ATXN7L1: variants seen among roughly 807,000 people sequenced by gnomAD.
ATXN7L1 encodes the protein ataxin-7-like protein 1.
ATXN7L1 carries 15 observed loss-of-function variants against 70.8 expected under a neutral mutation model. That is an observed-to-expected ratio of 0.21 (90% CI 0.14 to 0.33). The LOEUF (loss-of-function observed/expected upper bound fraction) is 0.33, where lower values mean the gene tolerates loss of function less well. Among genes scored for constraint, ATXN7L1 ranks in the 10% least tolerant of loss-of-function variants. The pLI, the probability that ATXN7L1 is intolerant of heterozygous loss-of-function variation, is 1.00. For missense variants in ATXN7L1, 975 were observed against 1,097.1 expected (o/e 0.89, Z 1.57); for synonymous variants, 440 against 445.1 (o/e 0.99, Z 0.14).
chr7:105,780,651 A>G (rs1803395085), intron 3 of ATXN7L1, among the ~76,000 whole-genome samples: 1 of 152,036 alleles, frequency 6.6e-6, no homozygotes, highest in Non-Finnish European at 1.5e-5. Flanking sequence ...GACTAGTGCC[A>G]AGTGTGGCAG....
intron 3 of ATXN7L1, among the ~76,000 whole-genome samples, chr7:105,777,387 C>T (rs770878070): frequency 1.3e-5 from 2 of 152,178 alleles, no homozygotes; most frequent in Non-Finnish European, 2.9e-5. Flanking sequence ...GGCCAACAAC[C>T]CTCAGGTTGC....
intron 2 of ATXN7L1, among the ~76,000 whole-genome samples, chr7:105,835,999 A>T (rs755306669): frequency 5.9e-5 from 9 of 152,204 alleles, no homozygotes; most frequent in Non-Finnish European, 1.0e-4. Flanking sequence ...AAGTCTTCAG[A>T]AACTGTGAGA....
intron 2 of ATXN7L1, chr7:105,875,163 T>C (rs1295487763): frequency 6.5e-6 from 1 of 152,766 alleles, no homozygotes; most frequent in Non-Finnish European, 1.5e-5. Context: ...AGGTTGTGGC[T>C]TCTCTTGCAT....
intron 3 of ATXN7L1, among the ~76,000 whole-genome samples, chr7:105,754,224 C>A (rs553237113): frequency 2.6e-5 from 4 of 152,156 alleles, no homozygotes; most frequent in Non-Finnish European, 5.9e-5. Flanking sequence ...GGGCTTCAGA[C>A]GGGAAAACAC....
intron 4 of ATXN7L1, among the ~76,000 whole-genome samples, chr7:105,658,099 T>C (rs1244414514): frequency 1.3e-5 from 2 of 152,126 alleles, no homozygotes; most frequent in East Asian, 3.8e-4. Context: ...TGTCACTTCA[T>C]GATGGGGCTA....
intron 4 of ATXN7L1, among the ~76,000 whole-genome samples, chr7:105,654,907 A>ATTT (rs201109400): frequency 1.4e-5 from 2 of 140,906 alleles, no homozygotes; most frequent in African/African-American, 2.6e-5. Context: ...CGCCTGGCTA[A>ATTT]TTTTTTTTTT....
chr7:105,798,271 C>T (rs1285262452), intron 2 of ATXN7L1, among the ~76,000 whole-genome samples: 3 of 152,208 alleles, frequency 2.0e-5, no homozygotes, highest in African/African-American at 7.2e-5. Context: ...CTCAACAAGG[C>T]CCCCTTCAGA....
intron 2 of ATXN7L1, among the ~76,000 whole-genome samples, 184 bp downstream of exon 2, chr7:105,875,628 C>CCCG (rs1554490212): frequency 5.4e-4 from 5 of 9,248 alleles, no homozygotes; most frequent in Non-Finnish European, 9.6e-4. Context: ...CCCCCCTTTA[C>CCCG]CCCCCCCCCA....
At chr7:105,854,102 T>C (rs975779654) in intron 2 of ATXN7L1, among the ~76,000 whole-genome samples, 4 of 152,178 alleles carry the variant, frequency 2.6e-5, no homozygotes, top group Non-Finnish European at 5.9e-5. Context: ...GTTTTCCCTA[T>C]AAGGCCGCGG....
At position 105,657,702 on chromosome 7, in the gene ATXN7L1, C is replaced by CAAAAAA. The variant is rs71155465; in HGVS notation, c.578+7358_578+7363dup. 3.0e-3 allele frequency among the ~76,000 whole-genome samples: 77 copies of CAAAAAA among 26,032 alleles called. 1 individual carries two copies. Among genetic ancestry groups the CAAAAAA allele is most frequent in the Non-Finnish European group, 3.4e-3 (52 of 15,484 alleles). The allele number at this position is 26,032 out of a possible 152,430, so 17.1% of individuals were successfully genotyped here. ...TGGGTGACAGAGTGAGACCCTGTCT[C>CAAAAAA]AAAAAAAAAAAAAAAAAAAAAAAAA... On this transcript the variant is annotated intron_variant, in intron 4 of 11. Transcript: ENST00000419735.
intron 6 of ATXN7L1, among the ~76,000 whole-genome samples, 162 bp downstream of exon 6, chr7:105,639,325 G>A (rs1797840192): frequency 2.0e-5 from 3 of 149,994 alleles, no homozygotes; most frequent in South Asian, 2.1e-4. Flanking sequence ...CTTGAGGCAG[G>A]CACTCTGCTA....
intron 3 of ATXN7L1, among the ~76,000 whole-genome samples, chr7:105,714,474 C>A (rs2116279346): frequency 6.6e-6 from 1 of 152,250 alleles, no homozygotes; most frequent in Non-Finnish European, 1.5e-5. Flanking sequence ...CAGGCCAGGC[C>A]AACAATAATA....
intron 3 of ATXN7L1, among the ~76,000 whole-genome samples, chr7:105,784,892 G>C (rs1179023282): frequency 6.6e-6 from 1 of 152,154 alleles, no homozygotes; most frequent in Non-Finnish European, 1.5e-5. Context: ...CCTGGCAGGT[G>C]GGGGGTGAAA....
At chr7:105,631,535 C>T (rs532478691) in intron 7 of ATXN7L1, among the ~76,000 whole-genome samples, 13 of 152,322 alleles carry the variant, frequency 8.5e-5, no homozygotes, top group South Asian at 2.1e-4. Context: ...GGTGCCATCT[C>T]GGCTCATTGC....
chr7:105,829,282 A>AAAACC (rs1436756849), intron 2 of ATXN7L1, among the ~76,000 whole-genome samples: 1 of 152,060 alleles, frequency 6.6e-6, no homozygotes, highest in Non-Finnish European at 1.5e-5. Flanking sequence ...AAAACAAAAC[A>AAAACC]AAACAAAAAA....
At chr7:105,723,126 G>T (rs62481256) in intron 3 of ATXN7L1, among the ~76,000 whole-genome samples, 9,592 of 152,184 alleles carry the variant, frequency 0.063, 346 homozygotes, top group Non-Finnish European at 0.08. Context: ...TACATGACGT[G>T]GGGTGTATCA....
intron 4 of ATXN7L1, among the ~76,000 whole-genome samples, chr7:105,653,393 A>G (rs1800149463): frequency 6.6e-6 from 1 of 152,198 alleles, no homozygotes; most frequent in African/African-American, 2.4e-5. Context: ...GGCTACAGTG[A>G]GCCGAGATCG....
chr7:105,745,906 C>T (rs1798535319), intron 3 of ATXN7L1, among the ~76,000 whole-genome samples: 1 of 152,214 alleles, frequency 6.6e-6, no homozygotes. Flanking sequence ...ACTCCTATAT[C>T]CAACTGCCAG....
chr7:105,761,186 C>A, intron 3 of ATXN7L1: 1 of 1,385,678 alleles, frequency 7.2e-7, no homozygotes, highest in Non-Finnish European at 9.3e-7. Context: ...CCACAGGTAC[C>A]CCCTGCTCTG....
Sources: allele counts gnomAD v4.1 joint callset (sites outside exome capture counted in the v4.1 genomes callset), GRCh38; gene constraint gnomAD v4.1.1; transcripts MANE v1.5; gene names NCBI Gene and HGNC (gene_info 2026-07-23, HGNC 2026-07-21).